The following FAM53B variants were observed in gnomAD, a reference collection of about 807,000 sequenced individuals.
FAM53B encodes the protein protein FAM53B.
A neutral mutation model predicts 32.7 loss-of-function variants in FAM53B; 12 were observed. The observed-to-expected ratio is 0.37, with a 90% CI of 0.24 to 0.59. The LOEUF (loss-of-function observed/expected upper bound fraction) is 0.59, where lower values mean the gene tolerates loss of function less well. Ranked by LOEUF, FAM53B falls within the 20% of genes least tolerant of loss-of-function variation. The probability of loss-of-function intolerance (pLI) is 0.72; values close to 1 mark genes in which losing one functional copy is unlikely to be tolerated. For missense variants in FAM53B, 477 were observed against 577.7 expected (o/e 0.83, Z 1.79); for synonymous variants, 234 against 228.7 (o/e 1.02, Z -0.21).
intron 4 of FAM53B, among the ~76,000 whole-genome samples, chr10:124,661,959 C>T (rs749986155): frequency 2.6e-5 from 4 of 152,218 alleles, no homozygotes; most frequent in East Asian, 1.9e-4. Context: ...TCGGTGAGCC[C>T]GGCTGCTTGG....
At chr10:124,638,573 G>A (rs543530983) in intron 4 of FAM53B, among the ~76,000 whole-genome samples, 6 of 152,304 alleles carry the variant, frequency 3.9e-5, no homozygotes, top group Non-Finnish European at 7.4e-5. Flanking sequence ...GCTGCACCAC[G>A]ACAGAGGGAG....
chr10:124,632,258 T>C (rs1949396327), intron 4 of FAM53B, among the ~76,000 whole-genome samples: 1 of 152,244 alleles, frequency 6.6e-6, no homozygotes, highest in African/African-American at 2.4e-5. Context: ...GGCCTCCCGG[T>C]GCTCTCACAA....
intron 3 of FAM53B, among the ~76,000 whole-genome samples, chr10:124,693,053 C>CT (rs1949845122): frequency 6.6e-6 from 1 of 152,150 alleles, no homozygotes; most frequent in African/African-American, 2.4e-5. Context: ...AGGAGACAGG[C>CT]TGGGGGTTGG....
intron 4 of FAM53B, among the ~76,000 whole-genome samples, chr10:124,629,092 A>G (rs1949374170): frequency 6.6e-6 from 1 of 152,222 alleles, no homozygotes; most frequent in Admixed American, 6.5e-5. Flanking sequence ...TAGTACTACT[A>G]TTCTTTCTAG....
intron 3 of FAM53B, among the ~76,000 whole-genome samples, chr10:124,686,588 T>G (rs1026511802): frequency 6.6e-6 from 1 of 152,240 alleles, no homozygotes; most frequent in Non-Finnish European, 1.5e-5. Context: ...TCTGTGATCG[T>G]ACAGCACGTA....
chr10:124,638,669 T>C (rs940984928), intron 4 of FAM53B, among the ~76,000 whole-genome samples: 3 of 152,126 alleles, frequency 2.0e-5, no homozygotes, highest in Admixed American at 6.5e-5. Flanking sequence ...AAACAGTCCA[T>C]GAAAGCAGAG....
intron 1 of FAM53B, chr10:124,742,867 G>A (rs1950207618): frequency 1.3e-5 from 2 of 152,216 alleles, no homozygotes; most frequent in Admixed American, 1.3e-4. Flanking sequence ...TCCGGAGATT[G>A]TACCGTATGG....
At chr10:124,679,404 A>C (rs1949754933) in intron 4 of FAM53B, among the ~76,000 whole-genome samples, 1 of 152,286 alleles carries the variant, frequency 6.6e-6, no homozygotes, top group East Asian at 1.9e-4. Flanking sequence ...AAGGCCGTGC[A>C]CTCGCCAGGG....
chr10:124,632,685 G>A (rs144009024), intron 4 of FAM53B, among the ~76,000 whole-genome samples: 1 of 152,340 alleles, frequency 6.6e-6, no homozygotes, highest in African/African-American at 2.4e-5. Flanking sequence ...GTCTTCCATG[G>A]AGGGCACACT....
At chr10:124,665,737 C>A (rs1949666588) in intron 4 of FAM53B, among the ~76,000 whole-genome samples, 2 of 152,214 alleles carry the variant, frequency 1.3e-5, no homozygotes, top group African/African-American at 2.4e-5. Flanking sequence ...GGTGCTGTGA[C>A]CTCCAGGAGG....
intron 4 of FAM53B, among the ~76,000 whole-genome samples, chr10:124,624,509 G>A (rs1949332688): frequency 6.6e-6 from 1 of 152,172 alleles, no homozygotes; most frequent in African/African-American, 2.4e-5. Flanking sequence ...CTGCCTTGCT[G>A]GGCCCTTTGA....
intron 4 of FAM53B, among the ~76,000 whole-genome samples, chr10:124,671,402 A>G (rs1323323701): frequency 1.3e-5 from 2 of 152,196 alleles, no homozygotes; most frequent in Non-Finnish European, 2.9e-5. Flanking sequence ...CTGCTTCTGC[A>G]TGATATTAAT....
At chr10:124,705,114 C>T (rs892780647) in intron 2 of FAM53B, among the ~76,000 whole-genome samples, 2 of 152,232 alleles carry the variant, frequency 1.3e-5, no homozygotes, top group South Asian at 4.1e-4. Flanking sequence ...AGTCCCTATC[C>T]TTGCAGCTGG....
chr10:124,708,912 T>C lies in FAM53B; in HGVS notation c.-174-2025A>G, dbSNP rs79692586. Among the ~76,000 whole-genome samples the C allele has an allele frequency of 1.5e-3, 234 of 152,346 alleles. 3 individuals carry two copies. The East Asian group carries it at 0.04, about 26-fold the overall frequency. On this transcript the variant is annotated intron_variant, in intron 1 of 4. Transcript: ENST00000337318. ...TTGGAATCCCAGCTCTTGAAATACA[T>C]TGTTTGAGTGGCCTTTGCCAAGTTA...
At chr10:124,638,618 C>A (rs1949449201) in intron 4 of FAM53B, among the ~76,000 whole-genome samples, 1 of 152,226 alleles carries the variant, frequency 6.6e-6, no homozygotes, top group Non-Finnish European at 1.5e-5. Flanking sequence ...CCCAGGCAGA[C>A]ACAGCACAAG....
chr10:124,692,800 G>A (rs1949842998), intron 3 of FAM53B, among the ~76,000 whole-genome samples: 1 of 151,840 alleles, frequency 6.6e-6, no homozygotes. Context: ...GGGTGCAGAG[G>A]AGGCTGAGCT....
rs1312052329 is a variant in FAM53B, at chr10:124,744,342, G to C, written c.-504C>G. 2 of 137,670 alleles carry C rather than the reference G, an allele frequency of 1.5e-5. No individual in the cohort carries two copies. Among genetic ancestry groups the C allele is most frequent in the African/African-American group, 2.5e-5 (1 of 39,984 alleles). The allele number at this position is 137,670 out of a possible 1,614,324, so 8.5% of individuals were successfully genotyped here. A position where few individuals can be genotyped will look rare whatever the true frequency, so the allele number is the denominator to read the frequency against. On this transcript the variant is annotated 5_prime_UTR_variant, in exon 1 of 5. Transcript: ENST00000337318. ...GCGCGGCGGCGGCGTGCAGGAGGCAGGCGGCGTGCGGCGGCGGCGGCAGGC... is the reference window on the plus strand; with the variant it reads ...GCGCGGCGGCGGCGTGCAGGAGGCACGCGGCGTGCGGCGGCGGCGGCAGGC...
At chr10:124,679,249 C>T (rs116580450) in intron 4 of FAM53B, among the ~76,000 whole-genome samples, 7,660 of 152,238 alleles carry the variant, frequency 0.05, 639 homozygotes, top group African/African-American at 0.17. Flanking sequence ...ACCCCAACCC[C>T]TTCTCAGTGG....
chr10:124,717,878 T>C (rs1321911721), intron 1 of FAM53B, among the ~76,000 whole-genome samples: 1 of 152,132 alleles, frequency 6.6e-6, no homozygotes, highest in Non-Finnish European at 1.5e-5. Context: ...CTTTACAAAA[T>C]GTTTATGAGC....
Sources: allele counts gnomAD v4.1 joint callset (sites outside exome capture counted in the v4.1 genomes callset), GRCh38; gene constraint gnomAD v4.1.1; transcripts MANE v1.5; gene names NCBI Gene and HGNC (gene_info 2026-07-23, HGNC 2026-07-21).